The following BCO1 variants were observed in gnomAD, a reference collection of about 807,000 sequenced individuals.
BCO1 encodes the protein beta,beta-carotene 15,15'-dioxygenase.
In BCO1, 54 loss-of-function variants were observed where a neutral mutation model predicts 56.3. The observed-to-expected ratio is 0.96, with a 90% CI of 0.77 to 1.20. The LOEUF (loss-of-function observed/expected upper bound fraction) is 1.20. BCO1 is among the 50% of genes most tolerant of loss of function. BCO1 has a pLI of 0.00. For missense variants in BCO1, 801 were observed against 690.9 expected (o/e 1.16, Z -1.79); for synonymous variants, 318 against 266.1 (o/e 1.20, Z -1.90).
At chr16:81,265,986 C>G (rs1346399534) in intron 5 of BCO1, among the ~76,000 whole-genome samples, 1 of 152,126 alleles carries the variant, frequency 6.6e-6, no homozygotes, top group African/African-American at 2.4e-5. Context: ...CACCCACCAT[C>G]CATCTGTCTA....
chr16:81,275,406 C>T (rs1408078679), intron 7 of BCO1, among the ~76,000 whole-genome samples: 10 of 152,236 alleles, frequency 6.6e-5, no homozygotes, highest in African/African-American at 2.4e-4. Flanking sequence ...TGCAGTGCAG[C>T]CGTGGCAGAG....
chr16:81,268,176 T>G (rs972299321), intron 6 of BCO1, 45 bp downstream of exon 6: 2 of 1,550,946 alleles, frequency 1.3e-6, no homozygotes, highest in African/African-American at 2.7e-5. Context: ...TGGCTGACCA[T>G]GGAGGGAGGC....
intron 7 of BCO1, among the ~76,000 whole-genome samples, chr16:81,272,073 A>G (rs1486435515): frequency 2.0e-5 from 3 of 148,718 alleles, no homozygotes; most frequent in African/African-American, 7.5e-5. Context: ...TTATGGATTA[A>G]TAGGTACATA....
chr16:81,256,905 G>C (rs559623252), intron 2 of BCO1, among the ~76,000 whole-genome samples: 1 of 151,404 alleles, frequency 6.6e-6, no homozygotes, highest in East Asian at 1.9e-4. Flanking sequence ...AAAAAAAAAA[G>C]TTATCAGGCC....
chr16:81,239,060 G>A (rs990817579), intron 1 of BCO1, 88 bp downstream of exon 1: 77 of 1,209,140 alleles, frequency 6.4e-5, no homozygotes, highest in Non-Finnish European at 7.7e-5. Context: ...TCTGTCGCCC[G>A]GGCTGGAGTC....
chr16:81,253,602 AG>A lies in BCO1; in HGVS notation c.194-6073del, dbSNP rs1426911741. Among the ~76,000 whole-genome samples, 16 of 152,272 alleles carry A rather than the reference AG, an allele frequency of 1.1e-4. 1 individual carries two copies. The highest frequency in any genetic ancestry group is 3.6e-4 in the African/African-American group (15 of 41,546). The stretch of plus-strand genomic sequence containing the variant: ...GAACTCAGGGCCTGGTCAGCCCCAA[AG>A]CTCAGGCTCCTAACCGTTCCTCCAT... On this transcript the variant is annotated intron_variant, in intron 2 of 10. Transcript: ENST00000258168.
At chr16:81,287,112 G>T (rs903509537) in intron 9 of BCO1, among the ~76,000 whole-genome samples, 183 bp from the exon 10 acceptor site, 1 of 152,142 alleles carries the variant, frequency 6.6e-6, no homozygotes, top group Non-Finnish European at 1.5e-5. Flanking sequence ...TGGGGGAGGA[G>T]AGTTAGCTCC....
chr16:81,248,792 A>T (rs890725666), intron 2 of BCO1, among the ~76,000 whole-genome samples: 1 of 152,130 alleles, frequency 6.6e-6, no homozygotes, highest in Non-Finnish European at 1.5e-5. Context: ...TGGGCAGATC[A>T]CCTGAAGTCG....
In BCO1 at chr16:81,287,377, C is replaced by T; in HGVS notation, c.1385C>T (p.Pro462Leu). 6.2e-7 allele frequency: 1 copy of T among 1,614,010 alleles called. No homozygotes were observed. Among genetic ancestry groups the T allele is most frequent in the Non-Finnish European group, 8.5e-7 (1 of 1,179,948 alleles). Residue 462 changes from proline to leucine, a missense_variant, in exon 10 of 11, where the codon CCC becomes CTC. Physicochemically the swap from Pro to Leu is moderately conservative, Grantham distance 98 (BLOSUM62 -3). Coordinates refer to ENST00000258168, the MANE Select transcript of BCO1 (RefSeq NM_017429.3). ...TGGCCAGCGGAACCCCTGTTTGTGC[C>T]CGCGCCAGGTGCCAAGGATGAGGAT... ...DCWPAEPLFV[P>L]APGAKDEDDG...
chr16:81,245,351 TA>T, intron 1 of BCO1, 123 bp from the exon 2 acceptor site: 1 of 1,434,352 alleles, frequency 7.0e-7, no homozygotes, highest in South Asian at 1.2e-5. Context: ...GACTGTAGAA[TA>T]AACGAACAGA....
chr16:81,290,415 CA>C lies in BCO1; in HGVS notation c.1486del (p.Ser496AlafsTer51), dbSNP rs750662825. 1 of 1,614,160 alleles carries C rather than the reference CA, an allele frequency of 6.2e-7. No homozygotes were observed. Among genetic ancestry groups the C allele is most frequent in the Non-Finnish European group, 8.5e-7 (1 of 1,180,040 alleles). On this transcript the variant is annotated frameshift_variant, in exon 11 of 11. Transcript: ENST00000258168. LOFTEE classifies it low-confidence loss of function (END_TRUNC). ...KLPFLLILDA[K>X]SFTELARASV... The stretch of plus-strand genomic sequence containing the variant: ...TGCCTTTTCTGCTCATTCTGGATGC[CA>C]AAAGCTTTACGGAATTGGCCCGTGC...
chr16:81,261,290 A>G (rs775805976), intron 3 of BCO1, among the ~76,000 whole-genome samples: 17 of 152,154 alleles, frequency 1.1e-4, no homozygotes, highest in Admixed American at 3.9e-4. Context: ...CAATTTCATC[A>G]CCCATAAACC....
intron 1 of BCO1, among the ~76,000 whole-genome samples, chr16:81,240,158 G>A (rs934419725): frequency 6.6e-6 from 1 of 151,920 alleles, no homozygotes; most frequent in East Asian, 1.9e-4. Flanking sequence ...ATAGCTGTAT[G>A]TATATTAAAT....
intron 8 of BCO1, among the ~76,000 whole-genome samples, chr16:81,282,345 C>T (rs1414454359): frequency 6.6e-6 from 1 of 152,122 alleles, no homozygotes; most frequent in African/African-American, 2.4e-5. Flanking sequence ...TGCGCCACTG[C>T]ACTCCAGCCT....
intron 7 of BCO1, among the ~76,000 whole-genome samples, chr16:81,274,633 C>G (rs563764678): frequency 6.6e-6 from 1 of 152,166 alleles, no homozygotes; most frequent in African/African-American, 2.4e-5. Flanking sequence ...AATCCCAACA[C>G]TTTAGGAGGC....
intron 2 of BCO1, among the ~76,000 whole-genome samples, chr16:81,250,008 A>G (rs921210966): frequency 6.6e-6 from 1 of 152,182 alleles, no homozygotes; most frequent in African/African-American, 2.4e-5. Context: ...TTTGGTAGAC[A>G]GAGGCAATAC....
In BCO1 at chr16:81,245,554, C is replaced by T; in HGVS notation, c.144C>T (p.Asn48=). 3.1e-6 allele frequency: 5 copies of T among 1,614,230 alleles called. No individual in the cohort carries two copies. Among genetic ancestry groups the T allele is most frequent in the Non-Finnish European group, 4.2e-6 (5 of 1,180,040 alleles). Residue 48 remains asparagine, a synonymous_variant, in exon 2 of 11, where the codon AAC becomes AAT. Transcript: ENST00000258168. ...ACACAGTTGGGGAGTCCAGATACAACCATTGGTTCGACGGCCTTGCCCTGC... is the reference window on the plus strand; with the variant it reads ...ACACAGTTGGGGAGTCCAGATACAATCATTGGTTCGACGGCCTTGCCCTGC... ...GMHTVGESRY[N]HWFDGLALLH... is the part of the protein sequence containing the mutation.
At chr16:81,239,014 T>G (rs1904989762) in intron 1 of BCO1, 42 bp downstream of exon 1, 1 of 1,534,812 alleles carries the variant, frequency 6.5e-7, no homozygotes, top group African/African-American at 1.6e-5. Flanking sequence ...TTCTATTTAT[T>G]TTATTATTTT....
chr16:81,261,996 C>A, intron 3 of BCO1, 140 bp from the exon 4 acceptor site: 5 of 984,374 alleles, frequency 5.1e-6, no homozygotes, highest in Non-Finnish European at 7.9e-6. Context: ...CCTGCCTCGG[C>A]CTCCCACAGT....
Sources: gnomAD v4.1 joint callset for allele counts (sites outside exome capture counted in the v4.1 genomes callset) on GRCh38, gnomAD v4.1.1 for gene constraint, MANE v1.5 for transcripts, NCBI Gene and HGNC (gene_info 2026-07-23, HGNC 2026-07-21) for gene names.